MYO1E: variants seen among roughly 807,000 people sequenced by gnomAD.
MYO1E encodes unconventional myosin-Ie.
Under a neutral mutation model 151.1 loss-of-function variants are expected in MYO1E, and 68 were observed. That is an observed-to-expected ratio of 0.45 (90% CI 0.37 to 0.55). The LOEUF is 0.55. MYO1E is among the 20% of genes least tolerant of loss of function. MYO1E has a pLI of 0.00. For synonymous variants in MYO1E, 601 were observed against 501.7 expected (o/e 1.20, Z -2.64); for missense variants, 1,363 against 1,389.3 (o/e 0.98, Z 0.30).
intron 1 of MYO1E, among the ~76,000 whole-genome samples, chr15:59,289,454 T>C (rs2080406514): frequency 6.6e-6 from 1 of 152,188 alleles, no homozygotes; most frequent in African/African-American, 2.4e-5. Flanking sequence ...TAAAGATAAA[T>C]ACAAATTAGG....
At chr15:59,330,778 T>C (rs1398865890) in intron 1 of MYO1E, among the ~76,000 whole-genome samples, 3 of 152,152 alleles carry the variant, frequency 2.0e-5, no homozygotes, top group Non-Finnish European at 4.4e-5. Flanking sequence ...TTATTTGTGT[T>C]GGTTTTTTGA....
intron 4 of MYO1E, among the ~76,000 whole-genome samples, chr15:59,254,830 C>T (rs928751702): frequency 6.0e-5 from 9 of 149,526 alleles, no homozygotes; most frequent in Admixed American, 2.7e-4. Flanking sequence ...GTAAGCAGAG[C>T]TTTTTTTTTT....
At chr15:59,339,960 G>A (rs2140428343) in intron 1 of MYO1E, among the ~76,000 whole-genome samples, 1 of 151,044 alleles carries the variant, frequency 6.6e-6, no homozygotes, top group South Asian at 2.1e-4. Context: ...CAATTCTCCT[G>A]TCTCAGCCTC....
intron 17 of MYO1E, 45 bp downstream of exon 17, chr15:59,195,416 A>AG (rs773592344): frequency 6.6e-7 from 1 of 1,513,106 alleles, no homozygotes; most frequent in South Asian, 1.1e-5. Flanking sequence ...TCTTGAGCAG[A>AG]GGGAAAAAGG....
At chr15:59,303,504 G>C (rs1289275300) in intron 1 of MYO1E, among the ~76,000 whole-genome samples, 2 of 151,964 alleles carry the variant, frequency 1.3e-5, no homozygotes, top group Admixed American at 6.6e-5. Context: ...ACTCCAGCCT[G>C]GGTAATAAAG....
At chr15:59,231,554 G>T in intron 6 of MYO1E, 148 bp downstream of exon 6, 1 of 851,642 alleles carries the variant, frequency 1.2e-6, no homozygotes, top group Non-Finnish European at 1.9e-6. Flanking sequence ...TTGGCGGCAT[G>T]CTGCTATAGA....
chr15:59,370,136 G>C (rs2080936588), intron 1 of MYO1E, among the ~76,000 whole-genome samples: 1 of 152,184 alleles, frequency 6.6e-6, no homozygotes, highest in African/African-American at 2.4e-5. Flanking sequence ...ATGAATTTTA[G>C]CCTCCATGCT....
At chr15:59,239,258 A>T (rs57068974) in intron 4 of MYO1E, among the ~76,000 whole-genome samples, 4,724 of 150,092 alleles carry the variant, frequency 0.031, 246 homozygotes, top group African/African-American at 0.11. Context: ...TGTATTTCAG[A>T]TTTTTTAAAA....
intron 5 of MYO1E, among the ~76,000 whole-genome samples, chr15:59,236,008 T>A (rs1301938822): frequency 6.6e-6 from 1 of 152,210 alleles, no homozygotes; most frequent in East Asian, 1.9e-4. Context: ...ATTTTCCTTT[T>A]GGGCTGCTGA....
chr15:59,242,331 G>A (rs1180369757), intron 4 of MYO1E, among the ~76,000 whole-genome samples: 1 of 152,168 alleles, frequency 6.6e-6, no homozygotes, highest in Non-Finnish European at 1.5e-5. Flanking sequence ...ACATATAACT[G>A]TGCCAAAAGG....
chr15:59,232,199 T>C (rs2080032467), intron 5 of MYO1E, among the ~76,000 whole-genome samples: 1 of 152,086 alleles, frequency 6.6e-6, no homozygotes, highest in Non-Finnish European at 1.5e-5. Context: ...TCTCATCCCA[T>C]CTCCACCTGC....
intron 3 of MYO1E, among the ~76,000 whole-genome samples, chr15:59,260,399 G>A (rs983598779): frequency 5.9e-5 from 9 of 152,204 alleles, no homozygotes; most frequent in Non-Finnish European, 1.3e-4. Flanking sequence ...ACAATGGGGT[G>A]GGCTCTTGCT....
Position 59,208,709 on chromosome 15 carries a change from C to A in MYO1E, c.1502G>T (p.Gly501Val), listed in dbSNP as rs1187700785. The A allele has an allele frequency of 5.6e-6, 9 of 1,614,046 alleles. No homozygotes were observed. The highest frequency in any genetic ancestry group is 1.1e-5 in the South Asian group (1 of 91,088). The change falls in exon 14 of 28, where the codon GGC becomes GTC. Residue 501 changes from glycine to valine, a missense_variant. Coordinates refer to ENST00000288235, the MANE Select transcript of MYO1E (RefSeq NM_004998.4). ...SHEHFNSWNQ[G>V]FIIHHYAGKV... Reference sequence around the variant, plus strand: ...CCCAGCATAATGATGAATGATGAAGCCTTGGTTCCAACTGTTGAAGTGCTC... The same window carrying A: ...CCCAGCATAATGATGAATGATGAAGACTTGGTTCCAACTGTTGAAGTGCTC...
chr15:59,208,534 C>CT, intron 14 of MYO1E, 147 bp downstream of exon 14: 2 of 998,168 alleles, frequency 2.0e-6, no homozygotes, highest in South Asian at 2.8e-5. Context: ...TATATACAAT[C>CT]TTTTGTTTTG....
intron 19 of MYO1E, among the ~76,000 whole-genome samples, chr15:59,174,607 G>C (rs1296218843): frequency 7.2e-5 from 11 of 152,176 alleles, no homozygotes; most frequent in African/African-American, 2.4e-4. Flanking sequence ...GATCAAGTGA[G>C]TGGGTGGAGG....
chr15:59,214,409 C>T (rs2079900818), intron 11 of MYO1E, 95 bp from the exon 12 acceptor site: 3 of 1,027,728 alleles, frequency 2.9e-6, no homozygotes, highest in African/African-American at 3.2e-5. Flanking sequence ...ATGTGAAAAG[C>T]TTTAATAGAA....
At chr15:59,267,526 T>G (rs966267011) in intron 2 of MYO1E, among the ~76,000 whole-genome samples, 2 of 152,156 alleles carry the variant, frequency 1.3e-5, no homozygotes, top group Admixed American at 1.3e-4. Flanking sequence ...GCCCCTCCAG[T>G]GAACTGGATG....
At chr15:59,352,900 C>A (rs1167940835) in intron 1 of MYO1E, among the ~76,000 whole-genome samples, 4 of 152,188 alleles carry the variant, frequency 2.6e-5, no homozygotes, top group Admixed American at 1.3e-4. Flanking sequence ...TGTACAATCA[C>A]AAGCACTTCC....
chr15:59,266,488 T>C (rs1337128160), intron 2 of MYO1E, among the ~76,000 whole-genome samples: 1 of 152,032 alleles, frequency 6.6e-6, no homozygotes, highest in Admixed American at 6.5e-5. Context: ...GCAGCAAGAA[T>C]GACAAAAAAA....
Sources: allele counts gnomAD v4.1 joint callset (sites outside exome capture counted in the v4.1 genomes callset), GRCh38; gene constraint gnomAD v4.1.1; transcripts MANE v1.5; gene names NCBI Gene and HGNC (gene_info 2026-07-23, HGNC 2026-07-21).